The following FCGRT variants were observed in gnomAD, a reference collection of about 807,000 sequenced individuals.
The protein encoded by FCGRT is Fc gamma receptor and transporter.
A neutral mutation model predicts 35.7 loss-of-function variants in FCGRT; 13 were observed. The observed-to-expected ratio is 0.36, with a 90% CI of 0.24 to 0.58. The LOEUF is 0.58. Ranked by LOEUF, FCGRT falls within the 20% of genes least tolerant of loss-of-function variation. FCGRT has a pLI of 0.77. For missense variants in FCGRT, 455 were observed against 474.9 expected, an observed-to-expected ratio of 0.96 and a Z score of 0.39; for synonymous variants, 233 against 216.5, an observed-to-expected ratio of 1.08 and a Z score of -0.67.
In FCGRT at chr19:49,515,421, A is replaced by C. The variant is rs556542948; in HGVS notation, c.601+935A>C. On this transcript the variant is annotated intron_variant, in intron 4 of 6. Transcript: ENST00000221466. Reference sequence around the variant, plus strand: ...TTCAGCCTCATGAGTAGCTGGCACTATAGGCACATCCACCATGTCTGGCTA... The same window carrying C: ...TTCAGCCTCATGAGTAGCTGGCACTCTAGGCACATCCACCATGTCTGGCTA... Among the ~76,000 whole-genome samples the C allele has an allele frequency of 2.0e-5, 3 of 152,068 alleles. No individual in the cohort carries two copies. In the South Asian group the frequency reaches 6.2e-4, roughly 32 times the overall value.
intron 2 of FCGRT, 131 bp downstream of exon 2, chr19:49,513,604 C>A: frequency 2.0e-6 from 1 of 500,910 alleles, no homozygotes; most frequent in Non-Finnish European, 3.2e-6. Flanking sequence ...GCTCAATTAA[C>A]TTTCTCAACG....
chr19:49,525,061 G>C, intron 5 of FCGRT: 1 of 598,058 alleles, frequency 1.7e-6, no homozygotes, highest in Non-Finnish European at 3.1e-6. Context: ...TGCTGCTGCT[G>C]CTGCTGCTGC....
Position 49,524,609 on chromosome 19 carries a change from T to C in FCGRT, c.704T>C (p.Phe235Ser). ...TACCCTCCGGAGCTGCAACTTCGGT[T>C]CCTGCGGAATGGGCTGGCCGCTGGC... ...SFYPPELQLR[F>S]LRNGLAAGTG... Residue 235 changes from phenylalanine (F) to serine (S), a missense_variant, in exon 5 of 7, where the codon TTC becomes TCC. Physicochemically the swap from Phe to Ser is radical, Grantham distance 155. Coordinates refer to ENST00000221466, the MANE Select transcript of FCGRT (RefSeq NM_001136019.3). 6.2e-7 allele frequency: 1 copy of C among 1,611,410 alleles called. No homozygotes were observed. Among genetic ancestry groups the C allele is most frequent in the Non-Finnish European group, 8.5e-7 (1 of 1,180,008 alleles).
At chr19:49,524,994 C>A (rs2122699645) in intron 5 of FCGRT, 1 of 685,640 alleles carries the variant, frequency 1.5e-6, no homozygotes, top group South Asian at 1.5e-5. Flanking sequence ...CTCACTGAGT[C>A]TGAAGAGCTG....
intron 4 of FCGRT, among the ~76,000 whole-genome samples, chr19:49,520,181 G>C (rs1376223364): frequency 7.2e-6 from 1 of 139,736 alleles, no homozygotes; most frequent in Non-Finnish European, 1.5e-5. Context: ...CCAGGCTGGA[G>C]TGCAGTAGCA....
intron 4 of FCGRT, among the ~76,000 whole-genome samples, chr19:49,517,541 A>AAAGG (rs56387904): frequency 0.13 from 19,651 of 151,240 alleles, 1,935 homozygotes; most frequent in African/African-American, 0.28. Context: ...AAGAGGAAGG[A>AAAGG]AAGGAAGGAA....
At chr19:49,523,798 T>G (rs2080056289) in intron 4 of FCGRT, among the ~76,000 whole-genome samples, 3 of 148,590 alleles carry the variant, frequency 2.0e-5, no homozygotes, top group Middle Eastern at 3.5e-3. Context: ...AGGCGGAGCT[T>G]GCAGTGAGCC....
At chr19:49,512,944 G>A (rs2079980072) in intron 1 of FCGRT, among the ~76,000 whole-genome samples, 194 bp downstream of exon 1, 1 of 146,538 alleles carries the variant, frequency 6.8e-6, no homozygotes, top group Admixed American at 6.8e-5. Flanking sequence ...GGGGCCGGGG[G>A]GGCCTGGACT....
intron 4 of FCGRT, among the ~76,000 whole-genome samples, chr19:49,520,189 G>A: frequency 1.5e-5 from 2 of 133,816 alleles, no homozygotes; most frequent in South Asian, 2.5e-4. Context: ...GAGTGCAGTA[G>A]CACGATCTCG....
chr19:49,522,621 A>G (rs1456607917), intron 4 of FCGRT, among the ~76,000 whole-genome samples: 1 of 149,958 alleles, frequency 6.7e-6, no homozygotes, highest in Non-Finnish European at 1.5e-5. Context: ...TTTAGTAGAG[A>G]TGGGATTTCA....
intron 2 of FCGRT, 137 bp from the exon 3 acceptor site, chr19:49,513,745 C>A (rs919594787): frequency 2.3e-5 from 6 of 260,116 alleles, no homozygotes; most frequent in Admixed American, 1.5e-4. Flanking sequence ...TGTCCCCCCC[C>A]CCCCGGGTTT....
In FCGRT at chr19:49,524,571, C is replaced by A. The variant is rs1471623069; in HGVS notation, c.666C>A (p.Ser222Arg). 1 of 1,613,074 alleles carries A rather than the reference C, an allele frequency of 6.2e-7. No individual in the cohort carries two copies. Among genetic ancestry groups the A allele is most frequent in the Non-Finnish European group, 8.5e-7 (1 of 1,179,962 alleles). ...SSPGFSVLTC[S>R]AFSFYPPELQ... ...CTGGCTTTTCCGTGCTTACCTGCAGCGCCTTCTCCTTCTACCCTCCGGAGC... is the reference window on the plus strand; with the variant it reads ...CTGGCTTTTCCGTGCTTACCTGCAGAGCCTTCTCCTTCTACCCTCCGGAGC... The change falls in exon 5 of 7, where the codon AGC (serine) becomes AGA (arginine). Residue 222 changes from serine (S) to arginine (R), a missense_variant. This residue lies in a region of FCGRT where 312 missense variants were observed against 296.1 expected (regional missense o/e 1.05). Transcript: ENST00000221466.
chr19:49,525,100 G>A (rs1349942340), intron 5 of FCGRT: 5 of 553,134 alleles, frequency 9.0e-6, no homozygotes, highest in Admixed American at 2.3e-5. Context: ...CTGACCATTC[G>A]TTGTCTGCTA....
At chr19:49,518,898 A>G (rs1306032383) in intron 4 of FCGRT, among the ~76,000 whole-genome samples, 1 of 148,856 alleles carries the variant, frequency 6.7e-6, no homozygotes, top group Non-Finnish European at 1.5e-5. Context: ...GCTGGGGTGC[A>G]GTGGCGCGAT....
intron 6 of FCGRT, 33 bp downstream of exon 6, chr19:49,525,606 G>C: frequency 3.4e-6 from 5 of 1,449,872 alleles, no homozygotes; most frequent in South Asian, 2.3e-5. Flanking sequence ...GCCTCTGAGA[G>C]AGGGACAGAG....
intron 4 of FCGRT, among the ~76,000 whole-genome samples, chr19:49,518,365 T>C: frequency 6.6e-6 from 1 of 151,216 alleles, no homozygotes; most frequent in East Asian, 1.9e-4. Context: ...TCTTTCTTTT[T>C]TTTTTTTTTT....
chr19:49,518,578 G>T (rs1000512107), intron 4 of FCGRT, among the ~76,000 whole-genome samples: 1 of 152,150 alleles, frequency 6.6e-6, no homozygotes, highest in Non-Finnish European at 1.5e-5. Flanking sequence ...CTGTCGCCCA[G>T]ACTGGAGTGC....
Position 49,513,196 on chromosome 19 carries a change from T to C in FCGRT, c.-14-191T>C, listed in dbSNP as rs962535908. 8 of 380,314 alleles carry C rather than the reference T, an allele frequency of 2.1e-5. No individual in the cohort carries two copies. In the Admixed American group the frequency reaches 3.6e-4, roughly 17 times the overall value. The allele number at this position is 380,314 out of a possible 1,614,324, so 23.6% of individuals were successfully genotyped here. On this transcript the variant is annotated intron_variant, in intron 1 of 6. Transcript: ENST00000221466. ...GGACTCTCAGCCTATCAAGTGTCTG[T>C]AATTAATTAACCAACTGAGATCCAG...
At chr19:49,524,810 T>C (rs1414744824) in intron 5 of FCGRT, 34 bp downstream of exon 5, 3 of 1,585,556 alleles carry the variant, frequency 1.9e-6, no homozygotes, top group Admixed American at 1.7e-5. Context: ...GCTCCTGGTT[T>C]CCCGTTGCCT....
Sources: allele counts gnomAD v4.1 joint callset (sites outside exome capture counted in the v4.1 genomes callset), GRCh38; gene constraint gnomAD v4.1.1; regional missense constraint gnomAD v4.1.1; transcripts MANE v1.5; gene names NCBI Gene and HGNC (gene_info 2026-07-23, HGNC 2026-07-21).